Variants in ABCC4 observed in about 807,000 individuals in gnomAD.
The protein encoded by ABCC4 is ATP binding cassette subfamily C member 4 (PEL blood group), also known as ATP-binding cassette sub-family C member 4.
In ABCC4, 102 loss-of-function variants were observed where a neutral mutation model predicts 168.5. The ratio of observed to expected loss-of-function variants is 0.61; its 90% CI spans 0.52 to 0.71. The LOEUF (loss-of-function observed/expected upper bound fraction) is 0.71. ABCC4 is among the 30% of genes least tolerant of loss of function. ABCC4 has a pLI of 0.00. For missense variants in ABCC4, 1,402 were observed against 1,605.8 expected (o/e 0.87, Z 2.17); for synonymous variants, 617 against 590.7 (o/e 1.04, Z -0.65).
chr13:95,172,671 C>T (rs1380377444), intron 13 of ABCC4, among the ~76,000 whole-genome samples: 1 of 152,026 alleles, frequency 6.6e-6, no homozygotes, highest in Admixed American at 6.6e-5. Context: ...TGGCTCACAC[C>T]TATAATCCCA....
chr13:95,058,593 G>GA (rs377750538), intron 26 of ABCC4, among the ~76,000 whole-genome samples: 22,150 of 74,656 alleles, frequency 0.3, 2,514 homozygotes, highest in Middle Eastern at 0.41. Flanking sequence ...AAAAAAAAAA[G>GA]AAAAGAAAAA....
At chr13:95,054,020 C>CTTTTTTTTTT (rs1566375296) in intron 26 of ABCC4, 1 of 73,168 alleles carries the variant, frequency 1.4e-5, no homozygotes, top group African/African-American at 7.1e-5. Flanking sequence ...AATGGGACAT[C>CTTTTTTTTTT]CTTTTTTTTT....
chr13:95,297,129 G>C (rs2041554695), intron 1 of ABCC4, among the ~76,000 whole-genome samples: 1 of 151,898 alleles, frequency 6.6e-6, no homozygotes, highest in Non-Finnish European at 1.5e-5. Context: ...AAATTAGCCA[G>C]GTATGGTGGT....
At chr13:95,298,671 G>A (rs774306830) in intron 1 of ABCC4, among the ~76,000 whole-genome samples, 1 of 152,182 alleles carries the variant, frequency 6.6e-6, no homozygotes, top group African/African-American at 2.4e-5. Flanking sequence ...AGAACAGGGA[G>A]CGCCTTCTCC....
intron 3 of ABCC4, among the ~76,000 whole-genome samples, chr13:95,235,863 A>G (rs974441023): frequency 3.9e-5 from 6 of 152,168 alleles, no homozygotes; most frequent in Admixed American, 2.0e-4. Flanking sequence ...ACACAGCAGA[A>G]ATTGAGCTCA....
intron 27 of ABCC4, among the ~76,000 whole-genome samples, chr13:95,045,065 C>G (rs2032519986): frequency 6.6e-6 from 1 of 152,126 alleles, no homozygotes. Context: ...ATCAGTGTCC[C>G]CCAGCACCTG....
intron 26 of ABCC4, among the ~76,000 whole-genome samples, chr13:95,057,907 G>A (rs899542302): frequency 6.6e-6 from 1 of 152,186 alleles, no homozygotes; most frequent in Non-Finnish European, 1.5e-5. Flanking sequence ...CACTTCTGAG[G>A]AAGAGGGGTG....
chr13:95,068,495 G>A (rs2033622032), intron 25 of ABCC4, among the ~76,000 whole-genome samples: 1 of 151,200 alleles, frequency 6.6e-6, no homozygotes. Flanking sequence ...CATGGCAGCG[G>A]GTGCCTGTAA....
chr13:95,276,967 C>T (rs1382882771), intron 1 of ABCC4, among the ~76,000 whole-genome samples: 2 of 151,768 alleles, frequency 1.3e-5, no homozygotes, highest in East Asian at 1.9e-4. Context: ...TGGAGTTAGC[C>T]GAAGTCGCAC....
chr13:95,238,641 C>T (rs2039846700), intron 3 of ABCC4, among the ~76,000 whole-genome samples: 1 of 152,196 alleles, frequency 6.6e-6, no homozygotes, highest in Non-Finnish European at 1.5e-5. Flanking sequence ...CCGCAACCTC[C>T]ACCTCCCAGA....
intron 25 of ABCC4, 115 bp from the exon 26 acceptor site, chr13:95,062,974 G>T: frequency 8.2e-7 from 1 of 1,220,648 alleles, no homozygotes; most frequent in South Asian, 1.6e-5. Flanking sequence ...ATTCTATATT[G>T]AGTGTAGTCT....
chr13:95,244,038 A>G (rs751140983), intron 3 of ABCC4, among the ~76,000 whole-genome samples: 27 of 152,134 alleles, frequency 1.8e-4, no homozygotes, highest in Middle Eastern at 3.2e-3. Context: ...ATAATCCCCA[A>G]TCTGATTTCC....
Position 95,071,760 on chromosome 13 carries a change from C to A in ABCC4, c.3112G>T (p.Glu1038Ter). The part of the protein sequence containing the change: ...QKRPPPAWPH[E>*]GVIIFDNVNF... The stretch of plus-strand genomic sequence containing the variant: ...ACATTGTCAAAGATTATCACTCCTT[C>A]ATGGGGCCAGGCTGGTGGTGGGCGT... Residue 1038 changes from glutamate to a stop codon, truncating the protein, a stop_gained, in exon 25 of 31, where the codon GAA (glutamate) becomes TAA (stop). Transcript: ENST00000645237. LOFTEE classifies it high-confidence loss of function. 6.2e-7 allele frequency: 1 copy of A among 1,607,908 alleles called. No individual in the cohort carries two copies.
chr13:95,300,062 G>C (rs1233560768), intron 1 of ABCC4, among the ~76,000 whole-genome samples: 1 of 152,276 alleles, frequency 6.6e-6, no homozygotes, highest in East Asian at 1.9e-4. Context: ...GGCTGGTCTC[G>C]AACTCCTGAC....
At chr13:95,196,027 C>T (rs1226858396) in intron 8 of ABCC4, among the ~76,000 whole-genome samples, 2 of 152,166 alleles carry the variant, frequency 1.3e-5, no homozygotes, top group Non-Finnish European at 2.9e-5. Context: ...TAGTTAGCAA[C>T]TACACAATGC....
chr13:95,104,206 C>G (rs1039426602), intron 20 of ABCC4, among the ~76,000 whole-genome samples: 21 of 152,132 alleles, frequency 1.4e-4, no homozygotes, highest in Non-Finnish European at 2.6e-4. Context: ...GCAACCTCCA[C>G]CTCCCATGTT....
rs375172644 is a variant in ABCC4 at position 95,164,365 on chromosome 13, T to C, written c.2175+13A>G. On this transcript the variant is annotated intron_variant, in intron 16 of 30. Transcript: ENST00000645237. ...TATCATTTTGAGGGCGCAAAACAAA[T>C]GTCATTATTTACCTGAGCTGCAGTG... 4 of 1,613,778 alleles carry C rather than the reference T, an allele frequency of 2.5e-6. No homozygotes were observed. Among genetic ancestry groups the C allele is most frequent in the African/African-American group, 1.3e-5 (1 of 75,010 alleles).
chr13:95,174,056 G>C (rs1046745242), intron 13 of ABCC4, among the ~76,000 whole-genome samples: 1 of 152,220 alleles, frequency 6.6e-6, no homozygotes, highest in African/African-American at 2.4e-5. Flanking sequence ...AAGACAAATA[G>C]GTAGGCAACA....
chr13:95,244,670 A>AAATCAATC (rs1555336343), intron 3 of ABCC4, among the ~76,000 whole-genome samples: 3,350 of 106,310 alleles, frequency 0.032, 757 homozygotes, highest in Non-Finnish European at 0.047. Flanking sequence ...AGAAAGAAAG[A>AAATCAATC]AATCATAGCA....
Sources: gnomAD v4.1 joint callset for allele counts (sites outside exome capture counted in the v4.1 genomes callset) on GRCh38, gnomAD v4.1.1 for gene constraint, MANE v1.5 for transcripts, NCBI Gene and HGNC (gene_info 2026-07-23, HGNC 2026-07-21) for gene names.